AMMECR1: variants seen among roughly 807,000 people sequenced by gnomAD.
The protein encoded by AMMECR1 is AMMECR nuclear protein 1.
Under a neutral mutation model 22.5 loss-of-function variants are expected in AMMECR1, and 3 were observed. The observed-to-expected ratio is 0.13, with a 90% CI of 0.06 to 0.35. The LOEUF is 0.35. Ranked by LOEUF, AMMECR1 falls within the 10% of genes least tolerant of loss-of-function variation. The probability of loss-of-function intolerance (pLI) is 1.00; values close to 1 mark genes in which losing one functional copy is unlikely to be tolerated. For synonymous variants in AMMECR1, 130 were observed against 116.7 expected, an observed-to-expected ratio of 1.11 and a Z score of -0.74; for missense variants, 235 against 278.7, an observed-to-expected ratio of 0.84 and a Z score of 1.12.
chrX:110,236,816 CT>C (rs754415188), intron 2 of AMMECR1, among the ~76,000 whole-genome samples: 2 of 112,272 alleles, frequency 1.8e-5, no homozygotes, highest in Non-Finnish European at 3.8e-5. Context: ...GTGTCTTCCC[CT>C]GTTTTTATTT....
At chrX:110,421,568 C>T (rs2068717399) in intron 2 of AMMECR1, among the ~76,000 whole-genome samples, 1 of 112,584 alleles carries the variant, frequency 8.9e-6, no homozygotes, top group Non-Finnish European at 1.9e-5. Context: ...TTGCATTTAT[C>T]GACAGGTATT....
At chrX:110,398,944 GA>G (rs1479875586) in intron 2 of AMMECR1, among the ~76,000 whole-genome samples, 3 of 111,869 alleles carry the variant, frequency 2.7e-5, no homozygotes, top group Admixed American at 9.5e-5. Flanking sequence ...TGCTCATTAG[GA>G]AAAAAATGCT....
At chrX:110,224,918 T>C (rs1315754385) in intron 2 of AMMECR1, 1 of 331,384 alleles carries the variant, frequency 3.0e-6, no homozygotes, top group Non-Finnish European at 5.7e-6. Flanking sequence ...TCATTTAAAA[T>C]AGCAGTCTCC....
At chrX:110,308,639 A>G (rs1389285976) in intron 1 of AMMECR1, among the ~76,000 whole-genome samples, 1 of 111,776 alleles carries the variant, frequency 8.9e-6, no homozygotes, top group East Asian at 2.8e-4. Context: ...AAAAATTTTA[A>G]CTACTGACTT....
intron 2 of AMMECR1, chrX:110,347,023 A>C: frequency 2.2e-6 from 1 of 450,423 alleles, no homozygotes; most frequent in Non-Finnish European, 4.0e-6. Context: ...GAATACCAGC[A>C]TTCCTATACA....
At chrX:110,306,573 C>T (rs1869364101) in intron 1 of AMMECR1, among the ~76,000 whole-genome samples, 1 of 110,364 alleles carries the variant, frequency 9.1e-6, no homozygotes, top group South Asian at 4.0e-4. Context: ...ATTCTCCTAC[C>T]TCAGCCTCCG....
At chrX:110,416,717 T>A (rs929828831) in intron 2 of AMMECR1, among the ~76,000 whole-genome samples, 2 of 112,235 alleles carry the variant, frequency 1.8e-5, no homozygotes, top group East Asian at 5.6e-4. Context: ...ATTAAAGCCA[T>A]ACGCTCTGCT....
chrX:110,314,462 G>A (rs1337141900), intron 1 of AMMECR1, among the ~76,000 whole-genome samples: 1 of 111,355 alleles, frequency 9.0e-6, no homozygotes, highest in Non-Finnish European at 1.9e-5. Context: ...CCCCATCCAA[G>A]ACCCCATTCA....
chrX:110,216,629 G>A lies in AMMECR1; in HGVS notation c.588C>T (p.Ala196=), dbSNP rs761494064. The A allele has an allele frequency of 6.0e-6, 7 of 1,171,171 alleles. No individual in the cohort carries two copies. The South Asian group carries it at 1.3e-4, about 22-fold the overall frequency. ...SGLREYTLTS[A]LKDSRFPPMT... ...TTGGGGGAAAACGGCTATCTTTAAG[G>A]GCACTGTTAAAAACAAAGCAAATAT... Residue 196 remains alanine (A), a synonymous_variant, in exon 3 of 6, where the codon GCC becomes GCT. Coordinates refer to ENST00000262844, the MANE Select transcript of AMMECR1 (RefSeq NM_015365.3).
At chrX:110,414,892 C>T (rs186414283) in intron 2 of AMMECR1, among the ~76,000 whole-genome samples, 112 of 112,220 alleles carry the variant, frequency 1.0e-3, no homozygotes, top group African/African-American at 3.5e-3. Flanking sequence ...ACCACTTGCC[C>T]ATGCAGTCAC....
Position 110,420,193 on chromosome X carries a change from G to T in AMMECR1, c.-148+6465C>A, listed in dbSNP as rs545216003. Among the ~76,000 whole-genome samples, 38 of 111,828 alleles carry T rather than the reference G, an allele frequency of 3.4e-4. 1 individual carries two copies. The highest frequency in any genetic ancestry group is 1.1e-3 in the African/African-American group (33 of 30,735). ...AGCACTGGCCACATTGCAGAACAGG[G>T]GTTTGTTTACTTGTCTGTCCTTCCT... is the stretch of plus-strand genomic sequence containing the variant. On this transcript the variant is annotated intron_variant, in intron 2 of 7. Transcript: ENST00000372057.
At chrX:110,250,641 C>T (rs750898543) in intron 2 of AMMECR1, among the ~76,000 whole-genome samples, 1 of 111,962 alleles carries the variant, frequency 8.9e-6, no homozygotes, top group Non-Finnish European at 1.9e-5. Context: ...TCTAGCACTT[C>T]GACTAAAACT....
chrX:110,199,844 C>T (rs1399257374), intron 5 of AMMECR1, among the ~76,000 whole-genome samples: 1 of 110,796 alleles, frequency 9.0e-6, no homozygotes, highest in African/African-American at 3.3e-5. Flanking sequence ...CCTCCCCAAG[C>T]CCATCTGATT....
chrX:110,349,071 C>T (rs2068201633), intron 2 of AMMECR1, among the ~76,000 whole-genome samples: 1 of 111,870 alleles, frequency 8.9e-6, no homozygotes, highest in African/African-American at 3.2e-5. Context: ...AAAGTAACAA[C>T]AATAATAGTT....
intron 1 of AMMECR1, among the ~76,000 whole-genome samples, chrX:110,433,224 AC>A (rs1297583039): frequency 8.9e-6 from 1 of 112,617 alleles, no homozygotes; most frequent in Non-Finnish European, 1.9e-5. Context: ...CTATGTGCCC[AC>A]CACTGTGCTG....
At chrX:110,304,062 C>G (rs1040983071) in intron 1 of AMMECR1, among the ~76,000 whole-genome samples, 2 of 111,787 alleles carry the variant, frequency 1.8e-5, no homozygotes, top group African/African-American at 3.2e-5. Context: ...TCAACATAAA[C>G]TAAAAATATG....
chrX:110,240,403 CG>C (rs1192287813), intron 2 of AMMECR1, among the ~76,000 whole-genome samples: 1,323 of 39,603 alleles, frequency 0.033, 34 homozygotes, highest in African/African-American at 0.095. Flanking sequence ...AAAACAAAAA[CG>C]GGGGGGGGAG....
intron 2 of AMMECR1, among the ~76,000 whole-genome samples, chrX:110,363,153 T>C (rs746092611): frequency 8.9e-6 from 1 of 111,905 alleles, no homozygotes. Flanking sequence ...CTTCCAGAGG[T>C]AACACTAGTT....
upstream of AMMECR1, among the ~76,000 whole-genome samples, chrX:110,320,857 A>G (rs759685101): frequency 9.8e-5 from 11 of 112,434 alleles, no homozygotes; most frequent in Non-Finnish European, 1.7e-4. Flanking sequence ...TTATTATCTA[A>G]GTACTTTGTT....
Sources: allele counts gnomAD v4.1 joint callset (sites outside exome capture counted in the v4.1 genomes callset), GRCh38; gene constraint gnomAD v4.1.1; transcripts MANE v1.5; gene names NCBI Gene and HGNC (gene_info 2026-07-23, HGNC 2026-07-21).